Variants in NAALADL2 observed in about 807,000 individuals in gnomAD.
NAALADL2 encodes the protein inactive N-acetylated-alpha-linked acidic dipeptidase-like protein 2.
In NAALADL2, 76 loss-of-function variants were observed where a neutral mutation model predicts 87.2. The observed-to-expected ratio is 0.87, with a 90% confidence interval of 0.72 to 1.05. NAALADL2 has a LOEUF of 1.05. NAALADL2 is among the 50% of genes least tolerant of loss of function. The pLI, the probability that NAALADL2 is intolerant of heterozygous loss-of-function variation, is 0.00. For missense variants in NAALADL2, 1,089 were observed against 945.8 expected (o/e 1.15, Z -1.99); for synonymous variants, 354 against 331.0 (o/e 1.07, Z -0.75).
At chr3:174,668,534 TA>T (rs1448442791) in intron 2 of NAALADL2, among the ~76,000 whole-genome samples, 1 of 152,162 alleles carries the variant, frequency 6.6e-6, no homozygotes. Flanking sequence ...ACTCGTCATT[TA>T]ACATTAGGTA....
At chr3:175,386,653 C>G (rs1388590459) in intron 5 of NAALADL2, among the ~76,000 whole-genome samples, 1 of 152,066 alleles carries the variant, frequency 6.6e-6, no homozygotes, top group Non-Finnish European at 1.5e-5. Context: ...ATAAAAAATT[C>G]TGGAAATAAA....
At chr3:175,165,254 A>AT (rs1404847640) in intron 2 of NAALADL2, among the ~76,000 whole-genome samples, 1 of 152,116 alleles carries the variant, frequency 6.6e-6, no homozygotes, top group Non-Finnish European at 1.5e-5. Context: ...AGTTAGTCTT[A>AT]TTTACTGGAC....
At chr3:175,284,657 G>T (rs1208726998) in intron 4 of NAALADL2, among the ~76,000 whole-genome samples, 1 of 152,038 alleles carries the variant, frequency 6.6e-6, no homozygotes, top group Non-Finnish European at 1.5e-5. Flanking sequence ...CCATCTTACA[G>T]AATTAATAGT....
At chr3:175,347,175 T>G (rs1019782978) in intron 5 of NAALADL2, among the ~76,000 whole-genome samples, 8 of 152,170 alleles carry the variant, frequency 5.3e-5, no homozygotes, top group Non-Finnish European at 1.2e-4. Context: ...CCCTCAGCAT[T>G]AATTTTCAGT....
At position 175,416,582 on chromosome 3, in the gene NAALADL2, A is replaced by G. The variant is rs189026214; in HGVS notation, c.1091-30647A>G. Among the ~76,000 whole-genome samples, 53 of 152,282 alleles carry G rather than the reference A, an allele frequency of 3.5e-4. No homozygotes were observed. In the East Asian group the frequency reaches 9.4e-3, roughly 27 times the overall value. Reference sequence around the variant, plus strand: ...GACAAGATCACTGATGTTAAGTAGAAAAAAGGCCTTTTTTACTTTGGAGAA... The same window carrying G: ...GACAAGATCACTGATGTTAAGTAGAGAAAAGGCCTTTTTTACTTTGGAGAA... On this transcript the variant is annotated intron_variant, in intron 5 of 13. Transcript: ENST00000454872.
intron 2 of NAALADL2, among the ~76,000 whole-genome samples, chr3:174,663,664 C>T (rs1259298577): frequency 6.6e-6 from 1 of 152,136 alleles, no homozygotes; most frequent in Non-Finnish European, 1.5e-5. Flanking sequence ...GACCTAAACA[C>T]CTCCCACTAG....
intron 3 of NAALADL2, among the ~76,000 whole-genome samples, chr3:174,819,519 G>A (rs1053492334): frequency 2.0e-5 from 3 of 151,624 alleles, no homozygotes; most frequent in African/African-American, 4.8e-5. Flanking sequence ...TCTCATACAC[G>A]GACTCGAGGT....
chr3:175,067,580 A>G (rs1371828160), intron 1 of NAALADL2, among the ~76,000 whole-genome samples: 1 of 152,154 alleles, frequency 6.6e-6, no homozygotes, highest in Non-Finnish European at 1.5e-5. Context: ...ATTGTTAAAA[A>G]GACAAAAAAT....
rs115329680 is a variant in NAALADL2 at position 175,065,372 on chromosome 3, A to G, written c.44-31418A>G. Among the ~76,000 whole-genome samples, 820 of 152,328 alleles carry G rather than the reference A, an allele frequency of 5.4e-3. 13 individuals are homozygous for G. The highest frequency in any genetic ancestry group is 0.019 in the African/African-American group (794 of 41,582). ...TCTTGCTCTAAAACTGTTAATGCCT[A>G]TTATTAGATTCTTTCAGAGTCAAAA... On this transcript the variant is annotated intron_variant, in intron 1 of 13. Coordinates refer to ENST00000454872, the MANE Select transcript of NAALADL2 (RefSeq NM_207015.3).
At chr3:175,330,414 G>C (rs1173249860) in intron 5 of NAALADL2, among the ~76,000 whole-genome samples, 1 of 150,316 alleles carries the variant, frequency 6.7e-6, no homozygotes, top group African/African-American at 2.5e-5. Flanking sequence ...CTTCACGCAA[G>C]CCTTGGTTAC....
At chr3:175,368,743 T>G (rs994300272) in intron 5 of NAALADL2, among the ~76,000 whole-genome samples, 2 of 152,152 alleles carry the variant, frequency 1.3e-5, no homozygotes, top group Non-Finnish European at 2.9e-5. Context: ...TGTAGCCTCC[T>G]AAACAACTAG....
Position 175,804,093 on chromosome 3 carries a change from C to CA in NAALADL2, c.*891dup, listed in dbSNP as rs1329074933. 2.0e-5 allele frequency: 3 copies of CA among 151,834 alleles called. No homozygotes were observed. The highest frequency in any genetic ancestry group is 4.8e-5 in the African/African-American group (2 of 41,400). 9.4% of individuals were successfully genotyped at this position (151,834 alleles called of 1,614,324 possible). ...TTTTCTGAAACTCCTTGCTGTAAGG[C>CA]AGCTTTCTCAGAGTACTATATATTT... On this transcript the variant is annotated 3_prime_UTR_variant, in exon 14 of 14. Transcript: ENST00000454872.
chr3:175,128,196 G>A (rs1385398233), intron 2 of NAALADL2, among the ~76,000 whole-genome samples: 3 of 152,116 alleles, frequency 2.0e-5, no homozygotes, highest in Non-Finnish European at 4.4e-5. Context: ...TAATAGTTTA[G>A]AAAATTAATG....
intron 2 of NAALADL2, among the ~76,000 whole-genome samples, chr3:175,221,951 G>A (rs1326728745): frequency 1.3e-5 from 2 of 151,590 alleles, no homozygotes; most frequent in South Asian, 2.1e-4. Flanking sequence ...ATTTTTGTGT[G>A]TGTGTATTTT....
intron 2 of NAALADL2, among the ~76,000 whole-genome samples, chr3:174,670,256 A>C (rs78581238): frequency 0.067 from 10,159 of 151,866 alleles, 917 homozygotes; most frequent in African/African-American, 0.21. Context: ...TGCTCTGGCT[A>C]GGACTTATGG....
At chr3:175,123,656 C>G (rs9882432) in intron 2 of NAALADL2, among the ~76,000 whole-genome samples, 91,776 of 151,696 alleles carry the variant, frequency 0.6, 28,276 homozygotes, top group African/African-American at 0.73. Flanking sequence ...AAACTGCTGC[C>G]TCTGCCTTAC....
At chr3:175,037,807 G>C (rs1339969537) in intron 1 of NAALADL2, among the ~76,000 whole-genome samples, 1 of 152,116 alleles carries the variant, frequency 6.6e-6, no homozygotes, top group Non-Finnish European at 1.5e-5. Flanking sequence ...AGTCTACAAA[G>C]AGCTTGGATG....
intron 13 of NAALADL2, among the ~76,000 whole-genome samples, chr3:175,755,661 A>G (rs754052041): frequency 3.9e-5 from 6 of 152,208 alleles, no homozygotes; most frequent in Non-Finnish European, 5.9e-5. Context: ...ATTAATTTCA[A>G]TATGAGTCAA....
chr3:175,799,099 T>C (rs1753829453), intron 13 of NAALADL2, among the ~76,000 whole-genome samples: 1 of 152,072 alleles, frequency 6.6e-6, no homozygotes, highest in Admixed American at 6.6e-5. Context: ...CAATTTGTCC[T>C]CAAGGTATGG....
Sources: allele counts gnomAD v4.1 joint callset (sites outside exome capture counted in the v4.1 genomes callset), GRCh38; gene constraint gnomAD v4.1.1; transcripts MANE v1.5; gene names NCBI Gene and HGNC (gene_info 2026-07-23, HGNC 2026-07-21).